The following MYH6 variants were observed in gnomAD, a reference collection of about 807,000 sequenced individuals.
MYH6 encodes the protein myosin-6.
In MYH6, 126 loss-of-function variants were observed where a neutral mutation model predicts 223.2. The ratio of observed to expected loss-of-function variants is 0.56; its 90% confidence interval spans 0.49 to 0.65. The LOEUF (loss-of-function observed/expected upper bound fraction) is 0.65. MYH6 is among the 30% of genes least tolerant of loss of function. The probability of loss-of-function intolerance (pLI) is 0.00; values close to 1 mark genes in which losing one functional copy is unlikely to be tolerated. For missense variants in MYH6, 2,040 were observed against 2,536.4 expected (o/e 0.80, Z 4.20); for synonymous variants, 978 against 1,010.2 (o/e 0.97, Z 0.61).
chr14:23,383,398 T>C, intron 36 of MYH6, 78 bp from the exon 37 acceptor site: 2 of 1,164,904 alleles, frequency 1.7e-6, no homozygotes, highest in South Asian at 1.3e-5. Flanking sequence ...ATCATTTTAC[T>C]CTTCTCCCCT....
Position 23,400,857 on chromosome 14 carries a change from A to G in MYH6, c.1262T>C (p.Val421Ala). The G allele has an allele frequency of 6.2e-7, 1 of 1,614,174 alleles. No individual in the cohort carries two copies. Among genetic ancestry groups the G allele is most frequent in the Non-Finnish European group, 8.5e-7 (1 of 1,180,026 alleles). The part of the protein sequence containing the change: ...YVTKGQSVQQ[V>A]YYSIGALAKA... The stretch of plus-strand genomic sequence containing the variant: ...GGCCAGAGCCCCGATGGAGTAGTAC[A>G]CCTGCTGCACGCTCTGCCCCTTGGT... Residue 421 changes from valine (V) to alanine (A), a missense_variant, in exon 13 of 39, where the codon GTG becomes GCG. Transcript: ENST00000405093.
At chr14:23,389,165 G>T in intron 28 of MYH6, 110 bp from the exon 29 acceptor site, 1 of 1,318,344 alleles carries the variant, frequency 7.6e-7, no homozygotes, top group Non-Finnish European at 1.0e-6. Flanking sequence ...TCACCATGTG[G>T]GCTGATGTGG....
intron 29 of MYH6, 80 bp from the exon 30 acceptor site, chr14:23,388,418 C>A: frequency 1.9e-6 from 3 of 1,558,068 alleles, no homozygotes; most frequent in Non-Finnish European, 2.6e-6. Flanking sequence ...CTTCCACCCC[C>A]TCCCTATATC....
chr14:23,390,438 G>T lies in MYH6; in HGVS notation c.3351C>A (p.Ile1117=), dbSNP rs758421298. The T allele has an allele frequency of 6.2e-7, 1 of 1,612,664 alleles. No homozygotes were observed. The highest frequency in any genetic ancestry group is 1.7e-5 in the Admixed American group (1 of 59,982). ...CCTCCAGCTCCTCCTCCAGCTCCTCGATGCGTGCCTGGGTCAGACACAAAG... is the reference window on the plus strand; with the variant it reads ...CCTCCAGCTCCTCCTCCAGCTCCTCTATGCGTGCCTGGGTCAGACACAAAG... ...QKKLKENQAR[I]EELEEELEAE... is the part of the protein sequence containing the mutation. Residue 1117 remains isoleucine, a synonymous_variant, in exon 26 of 39, where the codon ATC becomes ATA. Transcript: ENST00000405093.
rs570105171 is a variant in MYH6 at position 23,400,629 on chromosome 14, C to T, written c.1410+80G>A. The T allele has an allele frequency of 1.0e-3, 1,632 of 1,609,582 alleles. 1 individual carries two copies. The highest frequency in any genetic ancestry group is 1.3e-3 in the Non-Finnish European group (1,577 of 1,178,118). On this transcript the variant is annotated intron_variant, in intron 13 of 38. Coordinates refer to ENST00000405093, the MANE Select transcript of MYH6 (RefSeq NM_002471.4). ...CCACTGCCTTCCCATGTCTGGTCCACAGCTGGCTCTCAGCAAATGGCTGTT... is the reference window on the plus strand; with the variant it reads ...CCACTGCCTTCCCATGTCTGGTCCATAGCTGGCTCTCAGCAAATGGCTGTT...
Position 23,406,436 on chromosome 14 carries a change from T to C in MYH6, c.201+587A>G, listed in dbSNP as rs141980888. 2.6e-3 allele frequency among the ~76,000 whole-genome samples: 390 copies of C among 152,298 alleles called. 2 individuals are homozygous for C. The highest frequency in any genetic ancestry group is 8.9e-3 in the African/African-American group (368 of 41,550). ...GCCCCAGGGGATTGTGGCCTGTTATTCTACACTTCAATGGGTTGTAACATT... is the reference window on the plus strand; with the variant it reads ...GCCCCAGGGGATTGTGGCCTGTTATCCTACACTTCAATGGGTTGTAACATT... On this transcript the variant is annotated intron_variant, in intron 3 of 38. Coordinates refer to ENST00000405093, the MANE Select transcript of MYH6 (RefSeq NM_002471.4).
intron 10 of MYH6, 72 bp downstream of exon 10, chr14:23,403,276 T>C: frequency 7.8e-7 from 1 of 1,283,152 alleles, no homozygotes; most frequent in Non-Finnish European, 1.1e-6. Flanking sequence ...AGGAGGGCCC[T>C]GCCCTGCATG....
chr14:23,386,127 G>T lies in MYH6; in HGVS notation c.4964C>A (p.Thr1655Asn), dbSNP rs1237985482. 3.7e-6 allele frequency: 6 copies of T among 1,614,242 alleles called. No homozygotes were observed. The East Asian group carries it at 1.3e-4, about 36-fold the overall frequency. Residue 1655 changes from threonine (T) to asparagine (N), a missense_variant, in exon 34 of 39, where the codon ACC becomes AAC. Thr to Asn is a moderately conservative substitution (Grantham distance 65). Transcript: ENST00000405093. ...GACCGCATCGTCCAGCTGGATCTGG[G>T]TGTCCTGAGCATCAGGAGAGTGGGT... is the stretch of plus-strand genomic sequence containing the variant. The part of the protein sequence containing the change: ...VKSLQSLLKD[T>N]QIQLDDAVRA...
At position 23,393,052 on chromosome 14, in the gene MYH6, C is replaced by T. The variant is rs1314602199; in HGVS notation, c.3111G>A (p.Glu1037=). 3 of 1,614,214 alleles carry T rather than the reference C, an allele frequency of 1.9e-6. No individual in the cohort carries two copies. Among genetic ancestry groups the T allele is most frequent in the Non-Finnish European group, 2.5e-6 (3 of 1,180,044 alleles). The part of the protein sequence containing the change: ...VKLEQQVDDL[E]GSLEQEKKVR... ...CCTTCTTCTCTTGCTCTAGGGATCC[C>T]TCCAGCTGTTGGAGGGAAGAAAATA... The change falls in exon 24 of 39, where the codon GAG becomes GAA. Residue 1037 remains glutamate (E), a synonymous_variant. Coordinates refer to ENST00000405093, the MANE Select transcript of MYH6 (RefSeq NM_002471.4).
chr14:23,399,970 G>A (rs1441770604), intron 14 of MYH6: 7 of 480,344 alleles, frequency 1.5e-5, no homozygotes, highest in African/African-American at 5.9e-5. Flanking sequence ...CATGAATGAC[G>A]CTTCTCATGG....
At position 23,383,339 on chromosome 14, in the gene MYH6, G is replaced by GGGGGGGGGGGGCCCCCCCCCCC; in HGVS notation, c.5566-20_5566-19insGGGGGGGGGGGCCCCCCCCCCC. The GGGGGGGGGGGGCCCCCCCCCCC allele has an allele frequency of 9.2e-6, 1 of 108,168 alleles. No individual in the cohort carries two copies. Among genetic ancestry groups the GGGGGGGGGGGGCCCCCCCCCCC allele is most frequent in the Non-Finnish European group, 1.8e-5 (1 of 54,366 alleles). The allele number at this position is 108,168 out of a possible 1,614,324, so 6.7% of individuals were successfully genotyped here. ...CCTCTGTCTGGGGGTGGGAGGGTGG[G>GGGGGGGGGGGGCCCCCCCCCCC]AGAAGCTGGTTTGGAGGGGGAGCAA... On this transcript the variant is annotated intron_variant, in intron 36 of 38. Transcript: ENST00000405093.
rs757152930 is a variant in MYH6 at position 23,382,089 on chromosome 14, G to A, written c.5797-26C>T. Reference sequence around the variant, plus strand: ...CTGCAAAAAGAATAAGAGGTGTGAGGGGGCAGCTGGCAAGAGGGAGAAGTG... The same window carrying A: ...CTGCAAAAAGAATAAGAGGTGTGAGAGGGCAGCTGGCAAGAGGGAGAAGTG... On this transcript the variant is annotated intron_variant, in intron 38 of 38. Coordinates refer to ENST00000405093, the MANE Select transcript of MYH6 (RefSeq NM_002471.4). 8 of 1,604,686 alleles carry A rather than the reference G, an allele frequency of 5.0e-6. No individual in the cohort carries two copies. The African/African-American group carries it at 6.7e-5, about 13-fold the overall frequency.
At chr14:23,384,228 A>G (rs1346439242) in intron 36 of MYH6, among the ~76,000 whole-genome samples, 3 of 152,064 alleles carry the variant, frequency 2.0e-5, no homozygotes, top group Admixed American at 2.0e-4. Flanking sequence ...CTGGGGAAAG[A>G]CTAGTTAGAA....
chr14:23,405,500 G>C lies in MYH6; in HGVS notation c.346-121C>G. Reference sequence around the variant, plus strand: ...CTCTACTCCTCCTGCAGCTGACTAGGGGTGGAGGGGGGAAGGGGACTTGGG... The same window carrying C: ...CTCTACTCCTCCTGCAGCTGACTAGCGGTGGAGGGGGGAAGGGGACTTGGG... On this transcript the variant is annotated intron_variant, in intron 4 of 38. Coordinates refer to ENST00000405093, the MANE Select transcript of MYH6 (RefSeq NM_002471.4). This position sits in a 1 kb window ranked among gnomAD's most constrained non-coding sequence, Gnocchi z 4.7. The C allele has an allele frequency of 6.3e-7, 1 of 1,593,188 alleles. No homozygotes were observed. The highest frequency in any genetic ancestry group is 8.6e-7 in the Non-Finnish European group (1 of 1,164,840).
At chr14:23,402,357 A>G in intron 12 of MYH6, 107 bp downstream of exon 12, 4 of 1,551,212 alleles carry the variant, frequency 2.6e-6, no homozygotes, top group Admixed American at 1.7e-5. Flanking sequence ...CCATCCCACA[A>G]CACACCCCAC....
Position 23,392,656 on chromosome 14 carries a change from C to T in MYH6, c.3252-4G>A. ...CTGATTAATGTCAAACTCCTTCCTG[C>T]AGGAGAAGGGTGGGGGTGGGGGAGT... On this transcript the variant is annotated splice_polypyrimidine_tract_variant and splice_region_variant and intron_variant, in intron 24 of 38. Transcript: ENST00000405093. The T allele has an allele frequency of 1.5e-6, 2 of 1,325,626 alleles. No homozygotes were observed. The highest frequency in any genetic ancestry group is 2.1e-6 in the Non-Finnish European group (2 of 943,372). 82.1% of individuals were successfully genotyped at this position (1,325,626 alleles called of 1,614,324 possible). A position where few individuals can be genotyped will look rare whatever the true frequency, so the allele number is the denominator to read the frequency against.
At chr14:23,406,939 C>T (rs1566517287) in intron 3 of MYH6, 84 bp downstream of exon 3, 3 of 1,458,994 alleles carry the variant, frequency 2.1e-6, no homozygotes, top group Non-Finnish European at 1.9e-6. Context: ...CCAGCCCTCT[C>T]AGCTCCCCCT....
In MYH6 at chr14:23,403,382, G is replaced by C. The variant is rs186265521; in HGVS notation, c.864C>G (p.Tyr288Ter). ...LKAERNYHIF[Y>*]QILSNKKPEL... is the part of the protein sequence containing the mutation. ...CCGGCTTCTTGTTGGACAGAATCTG[G>C]TAGAAGATGTGGTAGTTTCTCTCAG... Residue 288 changes from tyrosine to a stop codon, truncating the protein, a stop_gained, in exon 10 of 39, where the codon TAC (tyrosine) becomes TAG (stop). Coordinates refer to ENST00000405093, the MANE Select transcript of MYH6 (RefSeq NM_002471.4). LOFTEE classifies it high-confidence loss of function. The C allele has an allele frequency of 1.1e-5, 18 of 1,614,130 alleles. No homozygotes were observed. The Admixed American group carries it at 3.0e-4, about 27-fold the overall frequency.
chr14:23,397,949 C>CTTCTTCTTT (rs1891462710), intron 15 of MYH6, among the ~76,000 whole-genome samples: 4 of 78,958 alleles, frequency 5.1e-5, no homozygotes, highest in South Asian at 1.0e-3. Flanking sequence ...TCTTCTTCTT[C>CTTCTTCTTT]TTCTTCTTCT....
Sources: allele counts gnomAD v4.1 joint callset (sites outside exome capture counted in the v4.1 genomes callset), GRCh38; gene constraint gnomAD v4.1.1; non-coding constraint Gnocchi (gnomAD v3.1); transcripts MANE v1.5; gene names NCBI Gene and HGNC (gene_info 2026-07-23, HGNC 2026-07-21).